RBPMS: variants seen among roughly 807,000 people sequenced by gnomAD.
RBPMS encodes RNA binding protein, mRNA processing factor, also known as RNA-binding protein with multiple splicing.
In RBPMS, 7 loss-of-function variants were observed where a neutral mutation model predicts 26.8. The ratio of observed to expected loss-of-function variants is 0.26; its 90% CI spans 0.15 to 0.49. The LOEUF is 0.49. Among genes scored for constraint, RBPMS ranks in the 20% least tolerant of loss-of-function variants. The pLI, the probability that RBPMS is intolerant of heterozygous loss-of-function variation, is 0.98. For synonymous variants in RBPMS, 96 were observed against 93.3 expected (o/e 1.03, Z -0.17); for missense variants, 186 against 250.0 (o/e 0.74, Z 1.73).
chr8:30,559,753 G>A (rs529580388), intron 7 of RBPMS, among the ~76,000 whole-genome samples: 24 of 152,258 alleles, frequency 1.6e-4, no homozygotes, highest in African/African-American at 4.6e-4. Flanking sequence ...GAAATAGGAA[G>A]AAAAATGAGA....
chr8:30,389,437 T>G (rs551448750), intron 1 of RBPMS, among the ~76,000 whole-genome samples: 1 of 152,204 alleles, frequency 6.6e-6, no homozygotes, highest in South Asian at 2.1e-4. Context: ...ATGTTAATTT[T>G]TGCTTTAAGG....
At chr8:30,490,473 T>C (rs1819269370) in intron 4 of RBPMS, among the ~76,000 whole-genome samples, 1 of 152,074 alleles carries the variant, frequency 6.6e-6, no homozygotes, top group African/African-American at 2.4e-5. Context: ...TTGTCTTTTT[T>C]TTTTGAGACG....
At chr8:30,438,231 C>A (rs571843631) in intron 1 of RBPMS, among the ~76,000 whole-genome samples, 17 of 152,158 alleles carry the variant, frequency 1.1e-4, no homozygotes, top group Non-Finnish European at 2.4e-4. Context: ...CCAGCCCGAG[C>A]AACAGAGTGA....
chr8:30,513,036 T>C (rs1022875059), intron 5 of RBPMS, among the ~76,000 whole-genome samples: 6 of 148,696 alleles, frequency 4.0e-5, no homozygotes, highest in African/African-American at 1.5e-4. Context: ...GAGGTGGTAG[T>C]GAGGGCACAC....
At chr8:30,477,958 A>G (rs950512532) in intron 3 of RBPMS, 121 bp downstream of exon 3, 12 of 685,016 alleles carry the variant, frequency 1.8e-5, no homozygotes, top group African/African-American at 1.3e-4. Context: ...CTTTAAAATT[A>G]AAAGTGAGAT....
chr8:30,444,953 AC>A (rs1813569037), intron 1 of RBPMS: 1 of 152,252 alleles, frequency 6.6e-6, no homozygotes, highest in African/African-American at 2.4e-5. Flanking sequence ...TATTTCTAGA[AC>A]ATGATGGTGT....
At chr8:30,521,714 T>A (rs1823053578) in intron 5 of RBPMS, among the ~76,000 whole-genome samples, 1 of 151,202 alleles carries the variant, frequency 6.6e-6, no homozygotes, top group African/African-American at 2.4e-5. Context: ...CCCCTTTTTT[T>A]AGGCTGGGTA....
rs1828229958 is a variant in RBPMS at position 30,571,002 on chromosome 8, T to C, written c.*477T>C. The C allele has an allele frequency of 6.6e-6, 1 of 152,184 alleles. No individual in the cohort carries two copies. The highest frequency in any genetic ancestry group is 2.4e-5 in the African/African-American group (1 of 41,418). 9.4% of individuals were successfully genotyped at this position (152,184 alleles called of 1,614,324 possible). On this transcript the variant is annotated 3_prime_UTR_variant, in exon 9 of 9. Transcript: ENST00000397323. ...ATCTATTTTTTTCCTCTGAAGTAAG[T>C]TGCATGTTTGAGGCATGTTTCCAAA...
At chr8:30,466,980 G>A (rs1376813967) in intron 1 of RBPMS, among the ~76,000 whole-genome samples, 1 of 152,096 alleles carries the variant, frequency 6.6e-6, no homozygotes, top group Non-Finnish European at 1.5e-5. Flanking sequence ...GCCTTCCCAG[G>A]GCACAGAAAA....
chr8:30,556,905 C>A, intron 6 of RBPMS: 1 of 335,594 alleles, frequency 3.0e-6, no homozygotes, highest in Non-Finnish European at 4.2e-6. Flanking sequence ...CCCACTCTTG[C>A]CCTCCTTCTT....
chr8:30,486,367 A>AC (rs1232167836), intron 4 of RBPMS, among the ~76,000 whole-genome samples: 1 of 98,450 alleles, frequency 1.0e-5, no homozygotes, highest in Non-Finnish European at 2.5e-5. Flanking sequence ...AATAACATAA[A>AC]AAAAAAACAA....
intron 6 of RBPMS, among the ~76,000 whole-genome samples, chr8:30,558,029 T>C (rs1250050056): frequency 1.3e-5 from 2 of 152,200 alleles, no homozygotes; most frequent in Non-Finnish European, 2.9e-5. Context: ...CACGCCCAGC[T>C]AATTTTGTAT....
intron 2 of RBPMS, among the ~76,000 whole-genome samples, chr8:30,476,210 G>GAGC (rs10633799): frequency 1 from 152,007 of 152,282 alleles, 75,866 homozygotes; most frequent in Non-Finnish European, 1. Context: ...ATGAAACTTG[G>GAGC]AGCTGAATAA....
intron 5 of RBPMS, among the ~76,000 whole-genome samples, chr8:30,527,454 C>A (rs1823715610): frequency 6.6e-6 from 1 of 152,232 alleles, no homozygotes; most frequent in African/African-American, 2.4e-5. Flanking sequence ...CATAAATTCT[C>A]TTTGAAGATC....
chr8:30,482,933 G>A (rs1818431639), intron 4 of RBPMS, among the ~76,000 whole-genome samples: 4 of 152,142 alleles, frequency 2.6e-5, no homozygotes, highest in Non-Finnish European at 5.9e-5. Flanking sequence ...AATATAGGCA[G>A]TTAGCTAGAT....
intron 5 of RBPMS, among the ~76,000 whole-genome samples, chr8:30,540,711 G>C (rs549293096): frequency 4.6e-5 from 7 of 152,306 alleles, no homozygotes; most frequent in African/African-American, 1.4e-4. Context: ...TCACAGGTGT[G>C]AGCCACTGCA....
At chr8:30,549,813 T>TCCC (rs1455016832) in intron 6 of RBPMS, among the ~76,000 whole-genome samples, 9 of 130,710 alleles carry the variant, frequency 6.9e-5, no homozygotes, top group African/African-American at 2.4e-4. Flanking sequence ...CTCCTCTCTC[T>TCCC]CTCTCTCTCT....
At chr8:30,496,309 C>T (rs953459712) in intron 4 of RBPMS, among the ~76,000 whole-genome samples, 1 of 152,056 alleles carries the variant, frequency 6.6e-6, no homozygotes, top group African/African-American at 2.4e-5. Context: ...TCTGGGACTA[C>T]AGGCGTCCGC....
intron 1 of RBPMS, among the ~76,000 whole-genome samples, chr8:30,458,655 G>A (rs1815525470): frequency 6.6e-6 from 1 of 152,130 alleles, no homozygotes; most frequent in Non-Finnish European, 1.5e-5. Context: ...CAGTAATTCT[G>A]TAGTCCATTT....
Sources: gnomAD v4.1 joint callset for allele counts (sites outside exome capture counted in the v4.1 genomes callset) on GRCh38, gnomAD v4.1.1 for gene constraint, MANE v1.5 for transcripts, NCBI Gene and HGNC (gene_info 2026-07-23, HGNC 2026-07-21) for gene names.